ADAMTS18: variants seen among roughly 807,000 people sequenced by gnomAD.
ADAMTS18 encodes the protein ADAM metallopeptidase with thrombospondin type 1 motif 18.
Under a neutral mutation model 165.9 loss-of-function variants are expected in ADAMTS18, and 157 were observed. The ratio of observed to expected loss-of-function variants is 0.95; its 90% CI spans 0.83 to 1.08. The LOEUF (loss-of-function observed/expected upper bound fraction) is 1.08. ADAMTS18 is among the 50% of genes least tolerant of loss of function. The probability of loss-of-function intolerance (pLI) is 0.00; values close to 1 mark genes in which losing one functional copy is unlikely to be tolerated. For synonymous variants in ADAMTS18, 782 were observed against 578.2 expected, an observed-to-expected ratio of 1.35 and a Z score of -5.06; for missense variants, 2,040 against 1,534.0, an observed-to-expected ratio of 1.33 and a Z score of -5.51.
intron 16 of ADAMTS18, among the ~76,000 whole-genome samples, chr16:77,308,314 G>T (rs1711648321): frequency 6.6e-6 from 1 of 152,096 alleles, no homozygotes; most frequent in African/African-American, 2.4e-5. Context: ...TATCAGACAG[G>T]GATGAAGTTA....
At chr16:77,424,319 T>C (rs2057643516) in intron 3 of ADAMTS18, among the ~76,000 whole-genome samples, 1 of 152,038 alleles carries the variant, frequency 6.6e-6, no homozygotes, top group Non-Finnish European at 1.5e-5. Context: ...AAATACAAAA[T>C]TAGCCGGACA....
At chr16:77,394,399 A>G (rs2057229927) in intron 3 of ADAMTS18, among the ~76,000 whole-genome samples, 1 of 152,186 alleles carries the variant, frequency 6.6e-6, no homozygotes, top group African/African-American at 2.4e-5. Context: ...GAAAAAGACA[A>G]TAGCTTTATT....
chr16:77,363,762 G>A (rs375830442), intron 6 of ADAMTS18, 40 bp downstream of exon 6: 34 of 1,571,888 alleles, frequency 2.2e-5, no homozygotes, highest in Admixed American at 1.7e-4. Flanking sequence ...TATTCTGAAC[G>A]GCAGACTGAA....
chr16:77,356,791 T>C (rs943821985), intron 8 of ADAMTS18, among the ~76,000 whole-genome samples: 10 of 152,158 alleles, frequency 6.6e-5, no homozygotes, highest in African/African-American at 2.2e-4. Flanking sequence ...CTAGAAATCA[T>C]GCACATTATA....
intron 3 of ADAMTS18, among the ~76,000 whole-genome samples, chr16:77,379,567 C>T (rs975133578): frequency 6.6e-6 from 1 of 152,186 alleles, no homozygotes; most frequent in Non-Finnish European, 1.5e-5. Context: ...CGGCTCACTG[C>T]AACCTCCACC....
At chr16:77,364,908 C>A (rs561774117) in intron 4 of ADAMTS18, among the ~76,000 whole-genome samples, 147 of 152,160 alleles carry the variant, frequency 9.7e-4, no homozygotes, top group Non-Finnish European at 1.8e-3. Flanking sequence ...GAGTTTGACA[C>A]CAGCCTGGCC....
In ADAMTS18 at chr16:77,399,441, C is replaced by G. The variant is rs75549511; in HGVS notation, c.496-31718G>C. 2.9e-3 allele frequency among the ~76,000 whole-genome samples: 439 copies of G among 152,234 alleles called. 2 individuals are homozygous for G. Among genetic ancestry groups the G allele is most frequent in the African/African-American group, 9.0e-3 (372 of 41,518 alleles). On this transcript the variant is annotated intron_variant, in intron 3 of 22. Transcript: ENST00000282849. The stretch of plus-strand genomic sequence containing the variant: ...GAAGCATTTATCTCTTAAAAGAAAG[C>G]CTCAGAGAAGCTAGAGGAGTTCTGA...
chr16:77,431,861 T>C (rs868039083), intron 2 of ADAMTS18: 17 of 555,594 alleles, frequency 3.1e-5, no homozygotes, highest in South Asian at 2.7e-4. Flanking sequence ...TGGATGTCTG[T>C]GGAAAAATGT....
At chr16:77,359,570 C>G (rs2056682322) in intron 7 of ADAMTS18, 147 bp from the exon 8 acceptor site, 2 of 675,798 alleles carry the variant, frequency 3.0e-6, no homozygotes, top group East Asian at 2.7e-5. Flanking sequence ...AAAAAAAGAT[C>G]TATAGTTCTT....
Position 77,431,417 on chromosome 16 carries a change from G to A in ADAMTS18, c.373C>T (p.Gln125Ter). Residue 125 changes from glutamine (Q) to a stop codon, truncating the protein, a stop_gained, in exon 3 of 23, where the codon CAG (glutamine) becomes TAG (stop). Coordinates refer to ENST00000282849, the MANE Select transcript of ADAMTS18 (RefSeq NM_199355.4). LOFTEE classifies it high-confidence loss of function. ...SAILSSHFIV[Q>*]VLGKDGASET... ...GAAGCACCATCTTTTCCAAGTACCTGGACAATAAAGTGACTGCTCAAAATC... is the reference window on the plus strand; with the variant it reads ...GAAGCACCATCTTTTCCAAGTACCTAGACAATAAAGTGACTGCTCAAAATC... 1 of 1,614,132 alleles carries A rather than the reference G, an allele frequency of 6.2e-7. No individual in the cohort carries two copies. The highest frequency in any genetic ancestry group is 8.5e-7 in the Non-Finnish European group (1 of 1,180,026).
At chr16:77,295,740 T>C (rs1597088455) in intron 18 of ADAMTS18, among the ~76,000 whole-genome samples, 1 of 152,218 alleles carries the variant, frequency 6.6e-6, no homozygotes, top group African/African-American at 2.4e-5. Flanking sequence ...AATTTAGTGA[T>C]AGGTTAAATA....
At chr16:77,325,144 G>A (rs1347451952) in intron 13 of ADAMTS18, among the ~76,000 whole-genome samples, 1 of 152,136 alleles carries the variant, frequency 6.6e-6, no homozygotes, top group Non-Finnish European at 1.5e-5. Flanking sequence ...TTCTACACAT[G>A]GGCAGTTGGG....
chr16:77,306,974 C>T (rs114321673), intron 16 of ADAMTS18, among the ~76,000 whole-genome samples: 3 of 152,182 alleles, frequency 2.0e-5, no homozygotes, highest in African/African-American at 7.2e-5. Context: ...ATTCTAAAAA[C>T]TGTGTTAACT....
At chr16:77,359,475 CATG>C (rs772424321) in intron 7 of ADAMTS18, 52 bp from the exon 8 acceptor site, 6 of 1,456,102 alleles carry the variant, frequency 4.1e-6, no homozygotes, top group South Asian at 1.2e-5. Context: ...CACACAGATA[CATG>C]ATGATGATTT....
chr16:77,291,009 G>A, intron 21 of ADAMTS18: 1 of 431,590 alleles, frequency 2.3e-6, no homozygotes, highest in Non-Finnish European at 4.2e-6. Flanking sequence ...CTGGTGGTAA[G>A]TGTTTTACAT....
At chr16:77,346,375 A>G (rs2056476729) in intron 10 of ADAMTS18, among the ~76,000 whole-genome samples, 1 of 152,200 alleles carries the variant, frequency 6.6e-6, no homozygotes, top group Non-Finnish European at 1.5e-5. Context: ...AGGCTTCAGT[A>G]AATCAATATA....
chr16:77,416,015 G>A (rs1430491033), intron 3 of ADAMTS18, among the ~76,000 whole-genome samples: 1 of 152,150 alleles, frequency 6.6e-6, no homozygotes, highest in African/African-American at 2.4e-5. Flanking sequence ...GATATTCAAG[G>A]TGGAAGGCAG....
At chr16:77,417,207 T>C (rs1191757411) in intron 3 of ADAMTS18, among the ~76,000 whole-genome samples, 1 of 152,036 alleles carries the variant, frequency 6.6e-6, no homozygotes, top group Non-Finnish European at 1.5e-5. Context: ...TGTCATAATG[T>C]GAAGACATAC....
At chr16:77,394,163 G>A (rs2057226686) in intron 3 of ADAMTS18, among the ~76,000 whole-genome samples, 1 of 152,314 alleles carries the variant, frequency 6.6e-6, no homozygotes, top group African/African-American at 2.4e-5. Context: ...ATTTGCTGGG[G>A]TGGAAGTGGG....
Sources: gnomAD v4.1 joint callset for allele counts (sites outside exome capture counted in the v4.1 genomes callset) on GRCh38, gnomAD v4.1.1 for gene constraint, MANE v1.5 for transcripts, NCBI Gene and HGNC (gene_info 2026-07-23, HGNC 2026-07-21) for gene names.